The following RBM28 variants were observed in gnomAD, a reference collection of about 807,000 sequenced individuals.
The protein encoded by RBM28 is RNA-binding protein 28.
In RBM28, 78 loss-of-function variants were observed where a neutral mutation model predicts 98.3. The observed-to-expected ratio is 0.79, with a 90% CI of 0.66 to 0.96. RBM28 has a LOEUF of 0.96. RBM28 is among the 40% of genes least tolerant of loss of function. The pLI, the probability that RBM28 is intolerant of heterozygous loss-of-function variation, is 0.00. For synonymous variants in RBM28, 306 were observed against 330.9 expected (o/e 0.92, Z 0.82); for missense variants, 838 against 913.0 (o/e 0.92, Z 1.06).
rs764418652 is a variant in RBM28 at position 128,330,854 on chromosome 7, C to T, written c.1094G>A (p.Arg365His). 39 of 1,613,836 alleles carry T rather than the reference C, an allele frequency of 2.4e-5. No individual in the cohort carries two copies. The highest frequency in any genetic ancestry group is 8.0e-5 in the African/African-American group (6 of 74,890). ...LQQFGELKYV[R>H]IVLHPDTEHS... The stretch of plus-strand genomic sequence containing the variant: ...CTCTGTGTCTGGATGCAAGACAATG[C>T]GGACATATTTGAGTTCTCCAAACTG... Residue 365 changes from arginine to histidine, a missense_variant, in exon 10 of 19, where the codon CGC (arginine) becomes CAC (histidine). By Grantham distance (29) the Arg-to-His change is conservative. Coordinates refer to ENST00000223073, the MANE Select transcript of RBM28 (RefSeq NM_018077.3).
intron 13 of RBM28, among the ~76,000 whole-genome samples, chr7:128,321,681 T>G (rs1030944657): frequency 6.6e-6 from 1 of 152,142 alleles, no homozygotes; most frequent in Non-Finnish European, 1.5e-5. Flanking sequence ...CATAAAATTT[T>G]AAAGCCACAA....
rs1796578594 is a variant in RBM28 at position 128,335,585 on chromosome 7, G to A, written c.904C>T (p.Leu302=). The change falls in exon 8 of 19, where the codon CTG becomes TTG. Residue 302 remains leucine, a synonymous_variant. Transcript: ENST00000223073. ...ESDSIDDGEE[L]AQSDTSTEEQ... is the part of the protein sequence containing the mutation. ...TCAGTGCTGGTATCACTCTGAGCCA[G>A]TTCCTCTCCATCATCAATACTATCG... 2.5e-6 allele frequency: 4 copies of A among 1,614,170 alleles called. No individual in the cohort carries two copies. Among genetic ancestry groups the A allele is most frequent in the Non-Finnish European group, 3.4e-6 (4 of 1,180,030 alleles).
chr7:128,341,240 T>C, intron 1 of RBM28: 1 of 1,202,882 alleles, frequency 8.3e-7, no homozygotes, highest in Non-Finnish European at 1.1e-6. Context: ...CAACATAACA[T>C]CAATTTTTCT....
At chr7:128,341,064 A>G in intron 1 of RBM28, 1 of 1,058,948 alleles carries the variant, frequency 9.4e-7, no homozygotes, top group Non-Finnish European at 1.3e-6. Context: ...GTAAAATTTT[A>G]AATAATTTAT....
intron 8 of RBM28, among the ~76,000 whole-genome samples, chr7:128,334,497 C>T (rs1019055674): frequency 1.3e-5 from 2 of 152,114 alleles, no homozygotes; most frequent in African/African-American, 4.8e-5. Flanking sequence ...CCTCAGATTT[C>T]TTATATGGTC....
chr7:128,334,031 A>G (rs1796542996), intron 8 of RBM28, among the ~76,000 whole-genome samples: 1 of 152,228 alleles, frequency 6.6e-6, no homozygotes, highest in African/African-American at 2.4e-5. Context: ...TTGAATGTGT[A>G]TATGTGTGTG....
Position 128,303,953 on chromosome 7 carries a change from AAG to A in RBM28, c.*6842_*6843del, listed in dbSNP as rs1562943526. The A allele has an allele frequency of 1.3e-5, 2 of 152,188 alleles. No homozygotes were observed. Among genetic ancestry groups the A allele is most frequent in the Non-Finnish European group, 1.5e-5 (1 of 68,052 alleles). The allele number at this position is 152,188 out of a possible 1,614,324, so 9.4% of individuals were successfully genotyped here. A position where few individuals can be genotyped will look rare whatever the true frequency, so the allele number is the denominator to read the frequency against. On this transcript the variant is annotated 3_prime_UTR_variant, in exon 19 of 19. Coordinates refer to ENST00000223073, the MANE Select transcript of RBM28 (RefSeq NM_018077.3). The stretch of plus-strand genomic sequence containing the variant: ...GAATAGTTTCGAGGGAAGGATAAGA[AAG>A]AGAGTCGGGAAGGCTGGGCAGAACA...
Position 128,339,313 on chromosome 7 carries a change from C to CT in RBM28, c.285dup (p.Glu96ArgfsTer10), listed in dbSNP as rs1282081846. 1.2e-6 allele frequency: 2 copies of CT among 1,609,416 alleles called. No individual in the cohort carries two copies. The highest frequency in any genetic ancestry group is 2.2e-5 in the East Asian group (1 of 44,856). ...GCCTTCGGCTCCTTCTTTGGGCACTCTGAGTTTTCTAAAAAATAAGAGGTA... is the reference window on the plus strand; with the variant it reads ...GCCTTCGGCTCCTTCTTTGGGCACTCTTGAGTTTTCTAAAAAATAAGAGGTA... On this transcript the variant is annotated frameshift_variant, in exon 3 of 19. Transcript: ENST00000223073. LOFTEE classifies it high-confidence loss of function.
intron 17 of RBM28, 118 bp downstream of exon 17, chr7:128,314,646 C>T: frequency 6.6e-7 from 1 of 1,515,874 alleles, no homozygotes; most frequent in Non-Finnish European, 9.1e-7. Context: ...TGTGGGAATA[C>T]ATAGCACCAA....
chr7:128,311,565 G>C (rs1795986284), intron 18 of RBM28, among the ~76,000 whole-genome samples: 1 of 152,130 alleles, frequency 6.6e-6, no homozygotes, highest in Admixed American at 6.5e-5. Flanking sequence ...AGAAAGCAAG[G>C]ATACTACCAG....
intron 16 of RBM28, 106 bp downstream of exon 16, chr7:128,317,553 A>C (rs139078351): frequency 1.1e-6 from 1 of 913,180 alleles, no homozygotes; most frequent in East Asian, 2.4e-5. Context: ...ACTAGGAGCA[A>C]AAAAACCTAA....
chr7:128,343,365 C>T (rs527277730), intron 1 of RBM28, among the ~76,000 whole-genome samples: 1 of 152,260 alleles, frequency 6.6e-6, no homozygotes, highest in East Asian at 1.9e-4. Context: ...ATGAGATAAC[C>T]TGTATCAAAC....
chr7:128,325,697 G>T, intron 11 of RBM28, 121 bp downstream of exon 11: 1 of 731,608 alleles, frequency 1.4e-6, no homozygotes, highest in Non-Finnish European at 2.4e-6. Context: ...TGCTAAATAA[G>T]TGTTAGTTTT....
intron 18 of RBM28, among the ~76,000 whole-genome samples, chr7:128,312,088 A>AAC (rs34825938): frequency 0.24 from 36,623 of 152,032 alleles, 5,077 homozygotes; most frequent in East Asian, 0.35. Context: ...GATATAAGGA[A>AAC]ACACACACAC....
intron 8 of RBM28, among the ~76,000 whole-genome samples, chr7:128,334,473 GAAAAAGCTT>G (rs1185159754): frequency 3.3e-5 from 5 of 152,134 alleles, no homozygotes; most frequent in Non-Finnish European, 7.4e-5. Context: ...TCTCCTCACA[GAAAAAGCTT>G]ATTTCCTCAG....
intron 9 of RBM28, 109 bp downstream of exon 9, chr7:128,333,181 T>C: frequency 1.2e-6 from 1 of 833,314 alleles, no homozygotes; most frequent in East Asian, 2.5e-5. Context: ...CAGATGTGCT[T>C]GATCTAATTT....
In RBM28 at chr7:128,343,875, C is replaced by T; in HGVS notation, c.-82G>A. The T allele has an allele frequency of 2.1e-6, 2 of 946,120 alleles. No homozygotes were observed. The highest frequency in any genetic ancestry group is 3.4e-5 in the South Asian group (2 of 58,790). The allele number at this position is 946,120 out of a possible 1,614,324, so 58.6% of individuals were successfully genotyped here. A position where few individuals can be genotyped will look rare whatever the true frequency, so the allele number is the denominator to read the frequency against. The stretch of plus-strand genomic sequence containing the variant: ...AGCCGAAACGCTGGCTTTGGTAGGA[C>T]AACCAAGCTCACACGCCGAGAGATT... On this transcript the variant is annotated 5_prime_UTR_variant, in exon 1 of 19. Transcript: ENST00000223073.
chr7:128,339,460 A>G, intron 2 of RBM28, 139 bp from the exon 3 acceptor site: 1 of 1,152,914 alleles, frequency 8.7e-7, no homozygotes. Flanking sequence ...GGAATACCAG[A>G]TTTTTCCAAA....
rs141250334 is a variant in RBM28, at chr7:128,312,900, T to C, written c.2145+275A>G. ...ATATGAGACGCATTTACATGTGAAA[T>C]GGGCTTTGCTTTAATATACTCTAGT... On this transcript the variant is annotated intron_variant, in intron 18 of 18. Transcript: ENST00000223073. Among the ~76,000 whole-genome samples the C allele has an allele frequency of 9.5e-4, 144 of 152,312 alleles. 1 individual carries two copies. Among genetic ancestry groups the C allele is most frequent in the African/African-American group, 3.4e-3 (140 of 41,560 alleles).
Sources: gnomAD v4.1 joint callset for allele counts (sites outside exome capture counted in the v4.1 genomes callset) on GRCh38, gnomAD v4.1.1 for gene constraint, MANE v1.5 for transcripts, NCBI Gene and HGNC (gene_info 2026-07-23, HGNC 2026-07-21) for gene names.